The following FRAS1 variants were observed in gnomAD, a reference collection of about 807,000 sequenced individuals.
FRAS1 encodes extracellular matrix organizing protein FRAS1.
In FRAS1, 290 loss-of-function variants were observed where a neutral mutation model predicts 435.2. That is an observed-to-expected ratio of 0.67 (90% CI 0.61 to 0.73). FRAS1 has a LOEUF of 0.73. Ranked by LOEUF, FRAS1 falls within the 30% of genes least tolerant of loss-of-function variation. FRAS1 has a pLI of 0.00. For missense variants in FRAS1, 4,860 were observed against 5,001.5 expected, an observed-to-expected ratio of 0.97 and a Z score of 0.85; for synonymous variants, 1,800 against 1,851.0, an observed-to-expected ratio of 0.97 and a Z score of 0.71.
intron 34 of FRAS1, among the ~76,000 whole-genome samples, chr4:78,423,957 A>G (rs1733900453): frequency 6.6e-6 from 1 of 152,192 alleles, no homozygotes; most frequent in East Asian, 1.9e-4. Context: ...CTATGGGATA[A>G]ATGCTGCAAG....
intron 9 of FRAS1, among the ~76,000 whole-genome samples, chr4:78,268,784 A>G (rs1206456239): frequency 6.6e-6 from 1 of 152,194 alleles, no homozygotes. Flanking sequence ...CTATCATGGC[A>G]TGAGCCAGGC....
intron 6 of FRAS1, among the ~76,000 whole-genome samples, chr4:78,258,500 G>A (rs1442366253): frequency 5.9e-5 from 9 of 151,544 alleles, no homozygotes; most frequent in Non-Finnish European, 1.3e-4. Flanking sequence ...TGACCCTATG[G>A]ACTCCTTTCC....
At chr4:78,488,338 C>T (rs1441819721) in intron 58 of FRAS1, among the ~76,000 whole-genome samples, 1 of 152,192 alleles carries the variant, frequency 6.6e-6, no homozygotes, top group Admixed American at 6.5e-5. Context: ...TAAGATCTGG[C>T]AACAGAAGAC....
At chr4:78,397,984 C>A (rs931938471) in intron 29 of FRAS1, among the ~76,000 whole-genome samples, 1 of 152,158 alleles carries the variant, frequency 6.6e-6, no homozygotes. Flanking sequence ...TTTTACTCCA[C>A]TGGGGTACTG....
intron 15 of FRAS1, among the ~76,000 whole-genome samples, chr4:78,314,868 C>T (rs560086708): frequency 6.6e-6 from 1 of 151,086 alleles, no homozygotes; most frequent in South Asian, 2.1e-4. Context: ...CCCACCCTCA[C>T]ATTTTTTTTT....
intron 20 of FRAS1, among the ~76,000 whole-genome samples, chr4:78,340,259 G>A (rs1328687572): frequency 6.6e-6 from 1 of 152,072 alleles, no homozygotes; most frequent in East Asian, 1.9e-4. Context: ...TGGCTGTCCT[G>A]GGAATTAGGT....
intron 47 of FRAS1, among the ~76,000 whole-genome samples, chr4:78,457,771 T>G (rs1719250500): frequency 6.6e-6 from 1 of 152,218 alleles, no homozygotes; most frequent in African/African-American, 2.4e-5. Flanking sequence ...TCACAAATTT[T>G]CCACTTTCTA....
rs966509069 is a variant in FRAS1, at chr4:78,181,582, T to C, written c.109-55928T>C. On this transcript the variant is annotated intron_variant, in intron 2 of 73. Transcript: ENST00000512123. ...CTCGAATAGGTCGGTCAATAATCGGTCTATCAACTGAAAATTAGCCTCCTT... is the reference window on the plus strand; with the variant it reads ...CTCGAATAGGTCGGTCAATAATCGGCCTATCAACTGAAAATTAGCCTCCTT... The C allele has an allele frequency of 3.7e-6, 6 of 1,611,402 alleles. No homozygotes were observed. In the Admixed American group the frequency reaches 8.3e-5, roughly 22 times the overall value.
intron 47 of FRAS1, among the ~76,000 whole-genome samples, chr4:78,456,412 T>TGTTTACA (rs1172652037): frequency 6.6e-6 from 1 of 152,128 alleles, no homozygotes; most frequent in Non-Finnish European, 1.5e-5. Flanking sequence ...GAAAGTGCTG[T>TGTTTACA]GTTTACAGGC....
At chr4:78,292,012 A>G (rs1399716229) in intron 14 of FRAS1, among the ~76,000 whole-genome samples, 1 of 152,162 alleles carries the variant, frequency 6.6e-6, no homozygotes, top group African/African-American at 2.4e-5. Flanking sequence ...TCTACTTTAA[A>G]CCATTATTAT....
chr4:78,260,844 C>G (rs1424334636), intron 6 of FRAS1, among the ~76,000 whole-genome samples: 1 of 152,128 alleles, frequency 6.6e-6, no homozygotes, highest in Admixed American at 6.5e-5. Context: ...GTGGATGTTT[C>G]TTTACCTTTA....
intron 20 of FRAS1, among the ~76,000 whole-genome samples, chr4:78,361,593 G>A (rs1200052317): frequency 6.6e-6 from 1 of 152,194 alleles, no homozygotes; most frequent in Non-Finnish European, 1.5e-5. Flanking sequence ...ACATGAAAGG[G>A]AGATCTGCTT....
rs376272485 is a variant in FRAS1 at position 78,432,395 on chromosome 4, C to G, written c.5008C>G (p.Leu1670Val). 26 of 1,608,084 alleles carry G rather than the reference C, an allele frequency of 1.6e-5. No individual in the cohort carries two copies. The African/African-American group carries it at 3.5e-4, about 21-fold the overall frequency. The change falls in exon 38 of 74, where the codon CTA becomes GTA. Residue 1670 changes from leucine (L) to valine (V), a missense_variant. Leu to Val is a conservative substitution (Grantham distance 32). Transcript: ENST00000512123. ...CTATGAGGATGTTGAGAAAAATGCT[C>G]TACAGTATATACATGATGGTTCCTC... is the stretch of plus-strand genomic sequence containing the variant. ...FTYEDVEKNA[L>V]QYIHDGSSTR...
At chr4:78,392,822 T>C (rs2110337050) in intron 29 of FRAS1, among the ~76,000 whole-genome samples, 1 of 151,954 alleles carries the variant, frequency 6.6e-6, no homozygotes, top group Middle Eastern at 3.4e-3. Flanking sequence ...GATAAAAAAA[T>C]TCAAAATGTC....
At chr4:78,118,247 G>T (rs1012053907) in intron 2 of FRAS1, among the ~76,000 whole-genome samples, 9 of 152,176 alleles carry the variant, frequency 5.9e-5, no homozygotes, top group African/African-American at 1.9e-4. Context: ...CCTACTGGGG[G>T]GTGCCTCCCA....
Position 78,492,413 on chromosome 4 carries a change from A to G in FRAS1, c.8958+3333A>G, listed in dbSNP as rs541878733. Among the ~76,000 whole-genome samples, 272 of 152,344 alleles carry G rather than the reference A, an allele frequency of 1.8e-3. 4 individuals are homozygous for G. Among genetic ancestry groups the G allele is most frequent in the Non-Finnish European group, 2.4e-3 (163 of 68,028 alleles). ...CAAACTATACTACAAGTCTGCAGTA[A>G]TCAAAACAGCATGGTAGTGGTACCA... is the stretch of plus-strand genomic sequence containing the variant. On this transcript the variant is annotated intron_variant, in intron 59 of 73. Coordinates refer to ENST00000512123, the MANE Select transcript of FRAS1 (RefSeq NM_025074.7).
At chr4:78,381,243 T>A (rs1188168923) in intron 27 of FRAS1, among the ~76,000 whole-genome samples, 1 of 152,192 alleles carries the variant, frequency 6.6e-6, no homozygotes, top group Non-Finnish European at 1.5e-5. Flanking sequence ...AAAACTCTGG[T>A]GTTTGATGCC....
At chr4:78,380,025 T>C (rs753352232) in intron 27 of FRAS1, 29 bp downstream of exon 27, 2 of 1,601,948 alleles carry the variant, frequency 1.2e-6, no homozygotes, top group South Asian at 1.1e-5. Flanking sequence ...GTTTTCTTCC[T>C]GCCTCCTTTC....
At chr4:78,180,829 G>C (rs1482506230) in intron 2 of FRAS1, 19 of 1,454,348 alleles carry the variant, frequency 1.3e-5, no homozygotes, top group Non-Finnish European at 1.8e-5. Context: ...GAACAGAAGG[G>C]TTCACGAAGG....
Sources: allele counts gnomAD v4.1 joint callset (sites outside exome capture counted in the v4.1 genomes callset), GRCh38; gene constraint gnomAD v4.1.1; transcripts MANE v1.5; gene names NCBI Gene and HGNC (gene_info 2026-07-23, HGNC 2026-07-21).